Variants in P2RX5 observed in about 807,000 individuals in gnomAD.
P2RX5 encodes purinergic receptor P2X 5.
In P2RX5, 46 loss-of-function variants were observed where a neutral mutation model predicts 54.1. The observed-to-expected ratio is 0.85, with a 90% CI of 0.67 to 1.09. The LOEUF (loss-of-function observed/expected upper bound fraction) is 1.09, where lower values mean the gene tolerates loss of function less well. Ranked by LOEUF, P2RX5 falls within the 50% of genes least tolerant of loss-of-function variation. The pLI, the probability that P2RX5 is intolerant of heterozygous loss-of-function variation, is 0.00. For synonymous variants in P2RX5, 226 were observed against 226.4 expected (o/e 1.00, Z 0.02); for missense variants, 566 against 549.8 (o/e 1.03, Z -0.29).
the P2RX5 span, among the ~76,000 whole-genome samples, chr17:3,712,882 G>A: frequency 6.6e-6 from 1 of 152,166 alleles, no homozygotes; most frequent in East Asian, 1.9e-4. Context: ...GGCGGAGGTT[G>A]CAGTGAGCAG....
At chr17:3,694,245 A>G (rs2050696288) in intron 1 of P2RX5, among the ~76,000 whole-genome samples, 1 of 151,236 alleles carries the variant, frequency 6.6e-6, no homozygotes, top group African/African-American at 2.4e-5. Context: ...AAAAAAAAAA[A>G]GGCCGCATAC....
chr17:3,714,898 G>GCT, the P2RX5 span: 12 of 1,611,044 alleles, frequency 7.4e-6, no homozygotes, highest in Non-Finnish European at 1.0e-5. Context: ...CCTTCCTGAT[G>GCT]CTCTCCAAGT....
At chr17:3,674,273 G>T (rs909358556) in intron 11 of P2RX5, among the ~76,000 whole-genome samples, 26 of 151,720 alleles carry the variant, frequency 1.7e-4, no homozygotes, top group African/African-American at 5.8e-4. Flanking sequence ...ATCGCGCCAC[G>T]GCACTCCCAT....
chr17:3,712,193 G>A, the P2RX5 span, among the ~76,000 whole-genome samples: 3 of 152,200 alleles, frequency 2.0e-5, no homozygotes, highest in African/African-American at 7.2e-5. Context: ...CAACCCAAGA[G>A]TTACAAGGAA....
the P2RX5 span, among the ~76,000 whole-genome samples, chr17:3,707,167 G>A: frequency 1.4e-4 from 22 of 152,236 alleles, no homozygotes; most frequent in Admixed American, 1.2e-3. Flanking sequence ...GGAAAACGGG[G>A]CAAAACAAGC....
intron 9 of P2RX5, among the ~76,000 whole-genome samples, chr17:3,684,653 T>G (rs2050383412): frequency 6.6e-6 from 1 of 151,864 alleles, no homozygotes. Context: ...ACCAGAAAAG[T>G]GTGAAATATG....
the P2RX5 span, among the ~76,000 whole-genome samples, chr17:3,704,446 C>A: frequency 3.9e-5 from 6 of 152,164 alleles, no homozygotes; most frequent in Non-Finnish European, 8.8e-5. Flanking sequence ...CCTTCCATGA[C>A]GGACATATCC....
chr17:3,681,535 GACC>G (rs970614390), intron 10 of P2RX5, among the ~76,000 whole-genome samples: 1 of 152,122 alleles, frequency 6.6e-6, no homozygotes, highest in Non-Finnish European at 1.5e-5. Flanking sequence ...GGCGCACCAG[GACC>G]ACCAAGTCCA....
the P2RX5 span, among the ~76,000 whole-genome samples, chr17:3,709,806 G>T: frequency 6.6e-6 from 1 of 152,070 alleles, no homozygotes; most frequent in East Asian, 1.9e-4. Flanking sequence ...CTACTCGGGG[G>T]GCTGAGGCAG....
In P2RX5 at chr17:3,691,387, A is replaced by G. The variant is rs1245587143; in HGVS notation, c.288+257T>C. 2.0e-5 allele frequency among the ~76,000 whole-genome samples: 3 copies of G among 152,216 alleles called. No individual in the cohort carries two copies. In the East Asian group the frequency reaches 5.8e-4, roughly 29 times the overall value. On this transcript the variant is annotated intron_variant, in intron 2 of 11. Transcript: ENST00000225328. Reference sequence around the variant, plus strand: ...CCCACCTGACTCACAATGACCTGAAAGTTCTCTGGGTCCCATTTGTTCTCA... The same window carrying G: ...CCCACCTGACTCACAATGACCTGAAGGTTCTCTGGGTCCCATTTGTTCTCA...
intron 11 of P2RX5, chr17:3,676,413 C>T (rs1436508619): frequency 4.1e-6 from 4 of 983,798 alleles, no homozygotes; most frequent in East Asian, 1.1e-4. Context: ...TCTGGGGAAC[C>T]GGGAGGACGG....
chr17:3,702,798 T>C, the P2RX5 span, among the ~76,000 whole-genome samples: 1 of 152,172 alleles, frequency 6.6e-6, no homozygotes, highest in Non-Finnish European at 1.5e-5. Flanking sequence ...TCCAGACACA[T>C]TGGGACTATA....
At chr17:3,700,541 A>T (rs888077212), upstream of P2RX5, among the ~76,000 whole-genome samples, 3 of 152,024 alleles carry the variant, frequency 2.0e-5, no homozygotes, top group African/African-American at 7.3e-5. Flanking sequence ...TCGAAAAAAA[A>T]AAAAAAAATT....
rs2050024479 is a variant in P2RX5, at chr17:3,673,256, G to A, written c.*612C>T. Reference sequence around the variant, plus strand: ...AAATTGACACCATTTATTGTTTTATGACCAAATAAGAGTGTCAGAGAATAC... The same window carrying A: ...AAATTGACACCATTTATTGTTTTATAACCAAATAAGAGTGTCAGAGAATAC... On this transcript the variant is annotated 3_prime_UTR_variant, in exon 12 of 12. Coordinates refer to ENST00000225328, the MANE Select transcript of P2RX5 (RefSeq NM_002561.4). 5 of 988,682 alleles carry A rather than the reference G, an allele frequency of 5.1e-6. No homozygotes were observed. The highest frequency in any genetic ancestry group is 6.0e-6 in the Non-Finnish European group (5 of 831,708). The allele number at this position is 988,682 out of a possible 1,614,324, so 61.2% of individuals were successfully genotyped here. A position where few individuals can be genotyped will look rare whatever the true frequency, so the allele number is the denominator to read the frequency against.
upstream of P2RX5, among the ~76,000 whole-genome samples, chr17:3,700,685 G>A (rs1354649425): frequency 1.3e-5 from 2 of 152,198 alleles, no homozygotes; most frequent in Non-Finnish European, 2.9e-5. Context: ...CATGTTGGAG[G>A]GGGCCTAGTG....
At chr17:3,723,423 G>T in the P2RX5 span, 1 of 1,423,668 alleles carries the variant, frequency 7.0e-7, no homozygotes, top group Non-Finnish European at 9.9e-7. Flanking sequence ...TCCTTTCCGT[G>T]CGGAAAGTCT....
upstream of P2RX5, among the ~76,000 whole-genome samples, chr17:3,699,917 GGAAAGAAAGAAAGAAAGAAAGAAAGAAA>G (rs71362545): frequency 1.3e-5 from 1 of 75,436 alleles, no homozygotes; most frequent in African/African-American, 4.6e-5. Flanking sequence ...AAGGAAGGAA[GGAAAGAAAGAAAGAAAGAAAGAAAGAAA>G]GAAAGAAAGA....
At chr17:3,679,053 G>T (rs1165706328) in intron 11 of P2RX5, among the ~76,000 whole-genome samples, 1 of 152,208 alleles carries the variant, frequency 6.6e-6, no homozygotes, top group Non-Finnish European at 1.5e-5. Context: ...ACACAGAAGA[G>T]GGGCTGAGGG....
chr17:3,696,731 C>T (rs1221175072), upstream of P2RX5, among the ~76,000 whole-genome samples: 3 of 152,208 alleles, frequency 2.0e-5, no homozygotes, highest in African/African-American at 7.2e-5. Context: ...TGAGCCACCG[C>T]GCACGGCCGG....
Sources: allele counts gnomAD v4.1 joint callset (sites outside exome capture counted in the v4.1 genomes callset), GRCh38; gene constraint gnomAD v4.1.1; transcripts MANE v1.5; gene names NCBI Gene and HGNC (gene_info 2026-07-23, HGNC 2026-07-21).